PLCZ1: variants seen among roughly 807,000 people sequenced by gnomAD.
PLCZ1 encodes phospholipase C zeta 1.
Under a neutral mutation model 76.8 loss-of-function variants are expected in PLCZ1, and 64 were observed. The observed-to-expected ratio is 0.83, with a 90% CI of 0.68 to 1.03. PLCZ1 has a LOEUF of 1.03. Among genes scored for constraint, PLCZ1 ranks in the 50% least tolerant of loss-of-function variants. The pLI is 0.00. For missense variants in PLCZ1, 751 were observed against 713.7 expected, an observed-to-expected ratio of 1.05 and a Z score of -0.60; for synonymous variants, 248 against 230.8, an observed-to-expected ratio of 1.07 and a Z score of -0.68.
rs1250781771 is a variant in PLCZ1 at position 18,697,565 on chromosome 12, T to C, written c.1175-1299A>G. Among the ~76,000 whole-genome samples the C allele has an allele frequency of 6.6e-5, 10 of 152,272 alleles. No homozygotes were observed. The East Asian group carries it at 1.9e-3, about 29-fold the overall frequency. ...TTTAGAAAATAAACATGTTTGTTAT[T>C]ACAAATACAGTTCATGTTTACTGTA... On this transcript the variant is annotated intron_variant, in intron 10 of 14. Coordinates refer to ENST00000266505, the MANE Select transcript of PLCZ1 (RefSeq NM_033123.4).
At chr12:18,703,242 C>T (rs1010206967) in intron 7 of PLCZ1, among the ~76,000 whole-genome samples, 2 of 152,092 alleles carry the variant, frequency 1.3e-5, no homozygotes, top group African/African-American at 2.4e-5. Flanking sequence ...ACAAAAGAAC[C>T]GTGGTCTTTC....
chr12:18,664,849 C>A, the PLCZ1 span, among the ~76,000 whole-genome samples: 18 of 151,512 alleles, frequency 1.2e-4, no homozygotes, highest in East Asian at 3.5e-3. Context: ...GAGTTCATGT[C>A]CTTTGTAGGG....
Position 18,684,208 on chromosome 12 carries a change from C to T in PLCZ1, c.1663G>A (p.Val555Ile). 1 of 1,612,006 alleles carries T rather than the reference C, an allele frequency of 6.2e-7. No individual in the cohort carries two copies. Among genetic ancestry groups the T allele is most frequent in the Non-Finnish European group, 8.5e-7 (1 of 1,178,690 alleles). ...GCTATTAAACCTTGACCTTCAACAACAAAACGTATCAATGCCAATTCTGGG... is the reference window on the plus strand; with the variant it reads ...GCTATTAAACCTTGACCTTCAACAATAAAACGTATCAATGCCAATTCTGGG... ...HVPELALIRF[V>I]VEGQGLIAGN... Residue 555 changes from valine to isoleucine, a missense_variant, in exon 14 of 15, where the codon GTT becomes ATT. By Grantham distance (29) the Val-to-Ile change is conservative (BLOSUM62 3). Coordinates refer to ENST00000266505, the MANE Select transcript of PLCZ1 (RefSeq NM_033123.4).
chr12:18,725,934 G>T (rs888161666), intron 3 of PLCZ1, among the ~76,000 whole-genome samples: 2 of 152,110 alleles, frequency 1.3e-5, no homozygotes, highest in Non-Finnish European at 2.9e-5. Flanking sequence ...GTTCTTAGAA[G>T]ACTCCACTTT....
the PLCZ1 span, among the ~76,000 whole-genome samples, chr12:18,659,803 A>G: frequency 6.6e-6 from 1 of 151,842 alleles, no homozygotes; most frequent in East Asian, 1.9e-4. Context: ...TATGTATATC[A>G]CCTAATGCTA....
At chr12:18,733,224 T>C (rs1175311198) in intron 3 of PLCZ1, among the ~76,000 whole-genome samples, 1 of 152,228 alleles carries the variant, frequency 6.6e-6, no homozygotes, top group Non-Finnish European at 1.5e-5. Flanking sequence ...CACTTATTTA[T>C]ATACCTGTTG....
At chr12:18,692,856 C>A (rs1954334939) in intron 12 of PLCZ1, 5 of 1,598,800 alleles carry the variant, frequency 3.1e-6, no homozygotes, top group Admixed American at 1.7e-5. Context: ...GAAATATGAA[C>A]CTCCTGTACC....
chr12:18,670,749 G>C, the PLCZ1 span, among the ~76,000 whole-genome samples: 1 of 152,012 alleles, frequency 6.6e-6, no homozygotes, highest in Non-Finnish European at 1.5e-5. Context: ...TTATCATCCT[G>C]AACTATTTTA....
At chr12:18,702,818 CTT>C (rs71064022) in intron 7 of PLCZ1, among the ~76,000 whole-genome samples, 8 of 116,594 alleles carry the variant, frequency 6.9e-5, no homozygotes, top group African/African-American at 2.7e-4. Context: ...GATAAAGTAA[CTT>C]TTTTTTTTTT....
At chr12:18,683,564 G>T in intron 14 of PLCZ1, 3 of 1,478,678 alleles carry the variant, frequency 2.0e-6, no homozygotes, top group Non-Finnish European at 2.7e-6. Flanking sequence ...GCAAAGCGCT[G>T]CATGATCCAA....
At chr12:18,725,879 C>CT in intron 3 of PLCZ1, among the ~76,000 whole-genome samples, 1 of 152,242 alleles carries the variant, frequency 6.6e-6, no homozygotes, top group Middle Eastern at 3.4e-3. Context: ...AGAAATCTTC[C>CT]TCTGTATCTC....
At chr12:18,722,785 C>A (rs769032747) in intron 4 of PLCZ1, among the ~76,000 whole-genome samples, 1 of 151,370 alleles carries the variant, frequency 6.6e-6, no homozygotes, top group Non-Finnish European at 1.5e-5. Flanking sequence ...GAAGAACAAG[C>A]GAAAAGTATA....
the PLCZ1 span, among the ~76,000 whole-genome samples, chr12:18,650,331 C>CTCTA: frequency 1.3e-3 from 122 of 91,954 alleles, 1 homozygote; most frequent in Middle Eastern, 7.7e-3. Context: ...CTCTCTCTCT[C>CTCTA]TATATATATA....
intron 13 of PLCZ1, chr12:18,685,614 T>C: frequency 1.9e-6 from 1 of 516,280 alleles, no homozygotes; most frequent in South Asian, 1.4e-5. Flanking sequence ...ACAGAAATAG[T>C]AAACTAATTG....
chr12:18,719,687 TA>T (rs1005918106), intron 4 of PLCZ1, 55 bp from the exon 5 acceptor site: 12 of 1,268,438 alleles, frequency 9.5e-6, no homozygotes, highest in Admixed American at 9.2e-5. Flanking sequence ...ATTAGCAAGA[TA>T]AAAAACTACA....
At chr12:18,670,291 T>A in the PLCZ1 span, among the ~76,000 whole-genome samples, 1 of 151,404 alleles carries the variant, frequency 6.6e-6, no homozygotes, top group Admixed American at 6.6e-5. Context: ...TACACACATA[T>A]GCGCACACAC....
Position 18,736,189 on chromosome 12 carries a change from A to G in PLCZ1, c.135+32T>C, listed in dbSNP as rs200269783. On this transcript the variant is annotated intron_variant, in intron 3 of 14. Coordinates refer to ENST00000266505, the MANE Select transcript of PLCZ1 (RefSeq NM_033123.4). Reference sequence around the variant, plus strand: ...GACATTGGATTAAGTTCCACCTAGGATAGGATAGGCAGGGGGTGGATGTCA... The same window carrying G: ...GACATTGGATTAAGTTCCACCTAGGGTAGGATAGGCAGGGGGTGGATGTCA... The G allele has an allele frequency of 5.5e-5, 89 of 1,607,562 alleles. 1 individual carries two copies. The South Asian group carries it at 9.0e-4, about 16-fold the overall frequency.
chr12:18,709,652 T>C lies in PLCZ1; in HGVS notation c.714+3190A>G, dbSNP rs142122323. ...ATCCCAGCACTTTGGAAGGCCAAGA[T>C]GAGAGGATCTTCTGAGGCTGGGACT... On this transcript the variant is annotated intron_variant, in intron 6 of 14. Coordinates refer to ENST00000266505, the MANE Select transcript of PLCZ1 (RefSeq NM_033123.4). Among the ~76,000 whole-genome samples, 540 of 152,144 alleles carry C rather than the reference T, an allele frequency of 3.5e-3. 5 individuals are homozygous for C. The highest frequency in any genetic ancestry group is 0.013 in the African/African-American group (519 of 41,514).
chr12:18,702,841 G>GACGGAGTCTCACTCT (rs1956123064), intron 7 of PLCZ1, among the ~76,000 whole-genome samples: 2 of 76,566 alleles, frequency 2.6e-5, no homozygotes, highest in Non-Finnish European at 4.4e-5. Flanking sequence ...TTTTTTTTGA[G>GACGGAGTCTCACTCT]ACGGAGTCTC....
Sources: gnomAD v4.1 joint callset for allele counts (sites outside exome capture counted in the v4.1 genomes callset) on GRCh38, gnomAD v4.1.1 for gene constraint, MANE v1.5 for transcripts, NCBI Gene and HGNC (gene_info 2026-07-23, HGNC 2026-07-21) for gene names.